HUWE1: variants seen among roughly 807,000 people sequenced by gnomAD.
HUWE1 encodes the protein HECT, UBA and WWE domain containing E3 ubiquitin protein ligase 1.
In HUWE1, 18 loss-of-function variants were observed where a neutral mutation model predicts 299.4. The observed-to-expected ratio is 0.06, with a 90% CI of 0.04 to 0.09. HUWE1 has a LOEUF of 0.09. Ranked by LOEUF, HUWE1 falls within the 10% of genes least tolerant of loss-of-function variation. The pLI is 1.00. For synonymous variants in HUWE1, 1,317 were observed against 1,286.1 expected, an observed-to-expected ratio of 1.02 and a Z score of -0.51; for missense variants, 1,832 against 3,462.3, an observed-to-expected ratio of 0.53 and a Z score of 11.82.
At chrX:53,656,236 C>T (rs1031467598) in intron 3 of HUWE1, among the ~76,000 whole-genome samples, 4 of 109,721 alleles carry the variant, frequency 3.6e-5, no homozygotes, top group African/African-American at 6.7e-5. Flanking sequence ...AGTAGCCGGG[C>T]GTGGAAGGAC....
chrX:53,654,278 G>A (rs966890341), intron 3 of HUWE1, 147 bp from the exon 4 acceptor site: 3 of 462,478 alleles, frequency 6.5e-6, no homozygotes, highest in African/African-American at 4.8e-5. Flanking sequence ...CCAACTCAGA[G>A]GCACAGCTAT....
chrX:53,630,837 T>C (rs1358517826), intron 12 of HUWE1, 98 bp downstream of exon 12: 8 of 543,784 alleles, frequency 1.5e-5, no homozygotes, highest in Middle Eastern at 4.7e-4. Flanking sequence ...CCTAGGTAAC[T>C]ATAATAGGAC....
chrX:53,583,466 TAAG>T (rs1356125690), intron 42 of HUWE1, 89 bp downstream of exon 42: 3 of 668,450 alleles, frequency 4.5e-6, no homozygotes, highest in Non-Finnish European at 7.4e-6. Flanking sequence ...CTATATACCC[TAAG>T]AAGAACCAGA....
Position 53,591,006 on chromosome X carries a change from A to T in HUWE1, c.4089T>A (p.Val1363=). ...LTHPPPIMGG[V]VRDLSMSEED... ...TGCTTCTGAGCCAACTTACCCGAAC[A>T]ACTCCTCCCATGATTGGAGGAGGGT... The change falls in exon 34 of 84, where the codon GTT becomes GTA. Residue 1363 remains valine (V), a synonymous_variant. Transcript: ENST00000262854. The T allele has an allele frequency of 8.3e-7, 1 of 1,210,831 alleles. No homozygotes were observed. The highest frequency in any genetic ancestry group is 1.1e-6 in the Non-Finnish European group (1 of 895,157).
chrX:53,679,761 C>A (rs1273441935), intron 3 of HUWE1, among the ~76,000 whole-genome samples: 1 of 112,279 alleles, frequency 8.9e-6, no homozygotes, highest in Non-Finnish European at 1.9e-5. Flanking sequence ...TGAAATTTTT[C>A]GTAACTTTAA....
intron 70 of HUWE1, 122 bp downstream of exon 70, chrX:53,546,314 G>A (rs1389380023): frequency 3.2e-6 from 2 of 617,430 alleles, no homozygotes; most frequent in African/African-American, 4.4e-5. Context: ...GAGCATGGAG[G>A]CTGTGTTATA....
rs781942166 is a variant in HUWE1, at chrX:53,600,553, G to C, written c.2972-244C>G. On this transcript the variant is annotated intron_variant, in intron 28 of 83. Transcript: ENST00000262854. Reference sequence around the variant, plus strand: ...AATAGTATTAACCCAGGGCTACCTTGGAAGACTGTTGTAGGCACAGCCCAA... The same window carrying C: ...AATAGTATTAACCCAGGGCTACCTTCGAAGACTGTTGTAGGCACAGCCCAA... 4.4e-5 allele frequency among the ~76,000 whole-genome samples: 5 copies of C among 112,393 alleles called. No homozygotes were observed. In the Admixed American group the frequency reaches 4.7e-4, roughly 11 times the overall value.
At chrX:53,534,433 C>T in intron 82 of HUWE1, 83 bp downstream of exon 82, 1 of 888,365 alleles carries the variant, frequency 1.1e-6, no homozygotes, top group East Asian at 3.1e-5. Context: ...TCTAAGAGTA[C>T]TACTGGTTTA....
intron 23 of HUWE1, among the ~76,000 whole-genome samples, chrX:53,611,051 C>CT (rs1162542917): frequency 9.1e-6 from 1 of 110,204 alleles, no homozygotes; most frequent in Non-Finnish European, 1.9e-5. Flanking sequence ...GTGAGTGAGT[C>CT]TGAGTGTAGA....
At position 53,620,533 on chromosome X, in the gene HUWE1, C is replaced by A. The variant is rs782102232; in HGVS notation, c.1673-3087G>T. Among the ~76,000 whole-genome samples the A allele has an allele frequency of 1.5e-4, 17 of 111,889 alleles. No homozygotes were observed. The South Asian group carries it at 6.4e-3, about 42-fold the overall frequency. ...AAAATGCTGGGATTACAGGTGTGAG[C>A]CAGTGCCTGGCCCATCTGTTGTACT... On this transcript the variant is annotated intron_variant, in intron 19 of 83. Coordinates refer to ENST00000262854, the MANE Select transcript of HUWE1 (RefSeq NM_031407.7).
chrX:53,547,347 G>A (rs2061583567), intron 68 of HUWE1, among the ~76,000 whole-genome samples: 1 of 112,053 alleles, frequency 8.9e-6, no homozygotes, highest in Non-Finnish European at 1.9e-5. Context: ...GGAATTCCCT[G>A]AGGATGGAAC....
Position 53,547,816 on chromosome X carries a change from G to A in HUWE1, c.10493C>T (p.Ala3498Val). ...STTSTTTTTA[A>V]STTPTPPTAP... ...AGTAGGGGGTGTGGGCGTGGTGGAG[G>A]CGGCAGTGGTGGTGGTGGTAGATGT... is the stretch of plus-strand genomic sequence containing the variant. Residue 3498 changes from alanine (A) to valine (V), a missense_variant, in exon 68 of 84, where the codon GCC becomes GTC. Coordinates refer to ENST00000262854, the MANE Select transcript of HUWE1 (RefSeq NM_031407.7). 8.3e-7 allele frequency: 1 copy of A among 1,198,981 alleles called. No individual in the cohort carries two copies. Among genetic ancestry groups the A allele is most frequent in the Non-Finnish European group, 1.1e-6 (1 of 888,206 alleles).
intron 26 of HUWE1, 140 bp downstream of exon 26, chrX:53,604,449 A>C (rs1603039695): frequency 9.0e-6 from 6 of 666,645 alleles, no homozygotes; most frequent in African/African-American, 2.2e-5. Flanking sequence ...CAGTCAAAAA[A>C]ATCTCATCCT....
intron 2 of HUWE1, among the ~76,000 whole-genome samples, chrX:53,681,825 A>C (rs1353578992): frequency 8.9e-6 from 1 of 112,521 alleles, no homozygotes; most frequent in Non-Finnish European, 1.9e-5. Flanking sequence ...AGAAATGAGT[A>C]GGCAGGGCAT....
At chrX:53,574,366 T>C (rs1401125914) in intron 46 of HUWE1, among the ~76,000 whole-genome samples, 1 of 112,767 alleles carries the variant, frequency 8.9e-6, no homozygotes, top group African/African-American at 3.2e-5. Context: ...TGTGAGATAC[T>C]TTACATGTCC....
intron 73 of HUWE1, 94 bp from the exon 74 acceptor site, chrX:53,542,633 A>G (rs1249822437): frequency 1.7e-6 from 1 of 604,401 alleles, no homozygotes; most frequent in Non-Finnish European, 2.8e-6. Flanking sequence ...TCATACATTG[A>G]GCTTGCAAAG....
chrX:53,614,942 A>G (rs2065710323), intron 22 of HUWE1, among the ~76,000 whole-genome samples, 197 bp from the exon 23 acceptor site: 1 of 110,659 alleles, frequency 9.0e-6, no homozygotes, highest in Non-Finnish European at 1.9e-5. Context: ...GCAAACTTAA[A>G]TAATTTGTTG....
chrX:53,634,009 C>T (rs902932975), intron 8 of HUWE1, among the ~76,000 whole-genome samples: 1 of 111,344 alleles, frequency 9.0e-6, no homozygotes, highest in African/African-American at 3.3e-5. Context: ...TATGAACACA[C>T]ACTCTATTTC....
At position 53,559,124 on chromosome X, in the gene HUWE1, C is replaced by A. The variant is rs1334299467; in HGVS notation, c.7916-64G>T. ...GTCAAGCATTAACTGATCCACCGAT[C>A]CAAAAATTGCAGTATTTCCCTAAAA... On this transcript the variant is annotated intron_variant, in intron 57 of 83. Transcript: ENST00000262854. 3 of 941,437 alleles carry A rather than the reference C, an allele frequency of 3.2e-6. No homozygotes were observed. The Admixed American group carries it at 7.9e-5, about 25-fold the overall frequency. The allele number at this position is 941,437 out of a possible 1,213,427, so 77.6% of individuals were successfully genotyped here.
Sources: gnomAD v4.1 joint callset for allele counts (sites outside exome capture counted in the v4.1 genomes callset) on GRCh38, gnomAD v4.1.1 for gene constraint, MANE v1.5 for transcripts, NCBI Gene and HGNC (gene_info 2026-07-23, HGNC 2026-07-21) for gene names.